The following IL1RAPL1 variants were observed in gnomAD, a reference collection of about 807,000 sequenced individuals.
The protein encoded by IL1RAPL1 is interleukin-1 receptor accessory protein-like 1.
In IL1RAPL1, 3 loss-of-function variants were observed where a neutral mutation model predicts 48.4. The ratio of observed to expected loss-of-function variants is 0.06; its 90% CI spans 0.03 to 0.16. The LOEUF (loss-of-function observed/expected upper bound fraction) is 0.16. Ranked by LOEUF, IL1RAPL1 falls within the 10% of genes least tolerant of loss-of-function variation. IL1RAPL1 has a pLI of 1.00. For synonymous variants in IL1RAPL1, 185 were observed against 187.7 expected (o/e 0.99, Z 0.12); for missense variants, 349 against 530.6 (o/e 0.66, Z 3.36).
chrX:29,696,425 A>G (rs1926914441), intron 6 of IL1RAPL1, among the ~76,000 whole-genome samples: 1 of 112,085 alleles, frequency 8.9e-6, no homozygotes. Flanking sequence ...CATATAACAA[A>G]CTGTGGTGTC....
At chrX:29,087,880 C>T (rs768218492) in intron 2 of IL1RAPL1, among the ~76,000 whole-genome samples, 287 of 111,649 alleles carry the variant, frequency 2.6e-3, no homozygotes, top group Non-Finnish European at 4.1e-3. Context: ...ACAAAAAATA[C>T]AAAAATTAAG....
At chrX:29,592,043 C>A (rs183962314) in intron 5 of IL1RAPL1, among the ~76,000 whole-genome samples, 1 of 111,770 alleles carries the variant, frequency 8.9e-6, no homozygotes, top group East Asian at 2.8e-4. Context: ...TGGGGAAACT[C>A]ACACAGGATG....
chrX:29,064,330 G>C (rs1927404079), intron 2 of IL1RAPL1, among the ~76,000 whole-genome samples: 1 of 111,275 alleles, frequency 9.0e-6, no homozygotes, highest in Admixed American at 9.6e-5. Flanking sequence ...AAATATATTT[G>C]GGAATATGAT....
rs1375574912 is a variant in IL1RAPL1, at chrX:29,100,585, G to A, written c.83-182353G>A. On this transcript the variant is annotated intron_variant, in intron 2 of 10. Coordinates refer to ENST00000378993, the MANE Select transcript of IL1RAPL1 (RefSeq NM_014271.4). ...TGTAGTTTGTTACATAAGGACTCAA[G>A]TACAGAGGCATGCTTAAGTCAAATT... Among the ~76,000 whole-genome samples, 3 of 112,008 alleles carry A rather than the reference G, an allele frequency of 2.7e-5. No individual in the cohort carries two copies. The Admixed American group carries it at 2.8e-4, about 11-fold the overall frequency.
intron 2 of IL1RAPL1, among the ~76,000 whole-genome samples, chrX:29,114,090 T>C (rs774853902): frequency 1.8e-5 from 2 of 111,933 alleles, no homozygotes; most frequent in Non-Finnish European, 3.8e-5. Context: ...TCTGTTCTTA[T>C]ACTGTTCTGT....
In IL1RAPL1 at chrX:28,675,429, G is replaced by A. The variant is rs192797531; in HGVS notation, c.-25+87382G>A. 5.4e-5 allele frequency among the ~76,000 whole-genome samples: 6 copies of A among 111,516 alleles called. No homozygotes were observed. The East Asian group carries it at 1.7e-3, about 32-fold the overall frequency. Reference sequence around the variant, plus strand: ...GTTGCTTGAGCATGTCAGCCATTCTGTGTGTGTTTGCCAAGCCCCAGTGTG... The same window carrying A: ...GTTGCTTGAGCATGTCAGCCATTCTATGTGTGTTTGCCAAGCCCCAGTGTG... On this transcript the variant is annotated intron_variant, in intron 1 of 10. Transcript: ENST00000378993.
intron 2 of IL1RAPL1, among the ~76,000 whole-genome samples, chrX:28,948,444 A>G (rs957864911): frequency 3.6e-5 from 4 of 110,342 alleles, no homozygotes; most frequent in Non-Finnish European, 7.6e-5. Context: ...AGTCCTCAGG[A>G]GACAGACAGG....
chrX:29,246,248 T>C (rs905233433), intron 2 of IL1RAPL1, among the ~76,000 whole-genome samples: 1 of 105,189 alleles, frequency 9.5e-6, no homozygotes, highest in African/African-American at 3.5e-5. Context: ...TGCCAAGTGG[T>C]TAATTAGCCT....
chrX:29,543,115 T>TTCTCTCTCTCTCTCTCTCTCTCTC (rs59836290), intron 5 of IL1RAPL1, among the ~76,000 whole-genome samples: 6 of 91,694 alleles, frequency 6.5e-5, no homozygotes, highest in African/African-American at 2.5e-4. Flanking sequence ...ATCTGTTCGT[T>TTCTCTCTCTCTCTCTCTCTCTCTC]TCTCTCTCTC....
chrX:29,782,887 C>CTTTT lies in IL1RAPL1; in HGVS notation c.778+114383_778+114384insTTTT, dbSNP rs1569167260. 2.0e-3 allele frequency among the ~76,000 whole-genome samples: 120 copies of CTTTT among 59,840 alleles called. 9 individuals are homozygous for CTTTT. Among genetic ancestry groups the CTTTT allele is most frequent in the African/African-American group, 7.4e-3 (115 of 15,454 alleles). The allele number at this position is 59,840 out of a possible 115,157, so 52.0% of individuals were successfully genotyped here. A position where few individuals can be genotyped will look rare whatever the true frequency, so the allele number is the denominator to read the frequency against. The stretch of plus-strand genomic sequence containing the variant: ...GGAAGATAAAATGGGTTGATCGTGA[C>CTTTT]ATTTTTTTTTTTTTTTTTTTTTTTT... On this transcript the variant is annotated intron_variant, in intron 6 of 10. Coordinates refer to ENST00000378993, the MANE Select transcript of IL1RAPL1 (RefSeq NM_014271.4).
chrX:29,586,769 A>C (rs1602311563), intron 5 of IL1RAPL1, among the ~76,000 whole-genome samples: 1 of 110,124 alleles, frequency 9.1e-6, no homozygotes, highest in East Asian at 2.8e-4. Flanking sequence ...TTTATTCCTA[A>C]GTATTTTGTT....
intron 9 of IL1RAPL1, among the ~76,000 whole-genome samples, chrX:29,952,486 G>A (rs960710190): frequency 9.0e-6 from 1 of 111,659 alleles, no homozygotes; most frequent in Non-Finnish European, 1.9e-5. Flanking sequence ...GACCAATATT[G>A]TAAAGAAAGT....
chrX:29,724,806 G>A (rs1440314113), intron 6 of IL1RAPL1, among the ~76,000 whole-genome samples: 1 of 111,991 alleles, frequency 8.9e-6, no homozygotes, highest in African/African-American at 3.2e-5. Context: ...AATTATGTAT[G>A]TATGAGGTCT....
chrX:28,831,239 A>G lies in IL1RAPL1; in HGVS notation c.82+41814A>G, dbSNP rs774153481. The stretch of plus-strand genomic sequence containing the variant: ...CACAGCCTACTAGATCCCCAGAAAT[A>G]TTTCAGAGCTTTGCAAGGCCTCCTA... On this transcript the variant is annotated intron_variant, in intron 2 of 10. Coordinates refer to ENST00000378993, the MANE Select transcript of IL1RAPL1 (RefSeq NM_014271.4). Among the ~76,000 whole-genome samples the G allele has an allele frequency of 3.1e-5, 3 of 96,326 alleles. No individual in the cohort carries two copies. In the South Asian group the frequency reaches 1.6e-3, roughly 53 times the overall value. The allele number at this position is 96,326 out of a possible 115,157, so 83.6% of individuals were successfully genotyped here.
At chrX:29,684,390 A>G (rs1296924880) in intron 6 of IL1RAPL1, among the ~76,000 whole-genome samples, 1 of 111,402 alleles carries the variant, frequency 9.0e-6, no homozygotes, top group Non-Finnish European at 1.9e-5. Context: ...CAGAGCCCTC[A>G]TCACCTCCGA....
intron 6 of IL1RAPL1, among the ~76,000 whole-genome samples, chrX:29,712,130 A>G (rs1024802420): frequency 5.6e-5 from 6 of 107,981 alleles, no homozygotes; most frequent in Admixed American, 2.0e-4. Context: ...ACGTGAAACT[A>G]TAGGATTTAT....
intron 2 of IL1RAPL1, among the ~76,000 whole-genome samples, chrX:28,920,010 A>G (rs1430723216): frequency 1.8e-5 from 2 of 112,187 alleles, no homozygotes; most frequent in Non-Finnish European, 3.8e-5. Context: ...TAAAATGTGA[A>G]GAGAAGACAG....
chrX:28,800,923 C>T (rs1432952771), intron 2 of IL1RAPL1, among the ~76,000 whole-genome samples: 1 of 107,067 alleles, frequency 9.3e-6, no homozygotes, highest in Non-Finnish European at 1.9e-5. Flanking sequence ...GCCCTGTCGC[C>T]CAGGCTGGAG....
chrX:29,070,161 A>G (rs1448262499), intron 2 of IL1RAPL1, among the ~76,000 whole-genome samples: 2 of 112,092 alleles, frequency 1.8e-5, no homozygotes, highest in South Asian at 3.7e-4. Flanking sequence ...TCTTTATATT[A>G]TCATATTTGC....
Sources: allele counts gnomAD v4.1 joint callset (sites outside exome capture counted in the v4.1 genomes callset), GRCh38; gene constraint gnomAD v4.1.1; transcripts MANE v1.5; gene names NCBI Gene and HGNC (gene_info 2026-07-23, HGNC 2026-07-21).